RARB: variants seen among roughly 807,000 people sequenced by gnomAD.
The protein encoded by RARB is retinoic acid receptor beta.
A neutral mutation model predicts 51.9 loss-of-function variants in RARB; 17 were observed. The ratio of observed to expected loss-of-function variants is 0.33; its 90% CI spans 0.22 to 0.49. The LOEUF (loss-of-function observed/expected upper bound fraction) is 0.49. Ranked by LOEUF, RARB falls within the 20% of genes least tolerant of loss-of-function variation. The pLI is 0.99. For missense variants in RARB, 369 were observed against 550.8 expected, an observed-to-expected ratio of 0.67 and a Z score of 3.30; for synonymous variants, 215 against 195.4, an observed-to-expected ratio of 1.10 and a Z score of -0.84.
chr3:25,490,372 G>A (rs1431315696), intron 2 of RARB, among the ~76,000 whole-genome samples: 2 of 152,184 alleles, frequency 1.3e-5, no homozygotes, highest in Non-Finnish European at 2.9e-5. Context: ...AGAGGCCTTT[G>A]AATTATGCAA....
chr3:25,356,122 G>GT (rs1169198298), intron 5 of RARB, among the ~76,000 whole-genome samples: 2 of 152,086 alleles, frequency 1.3e-5, no homozygotes, highest in Non-Finnish European at 1.5e-5. Context: ...TTTAAGGAGA[G>GT]TAAGTGCTGT....
chr3:24,897,277 A>G (rs913469529), intron 2 of RARB, among the ~76,000 whole-genome samples: 1 of 152,204 alleles, frequency 6.6e-6, no homozygotes, highest in Non-Finnish European at 1.5e-5. Context: ...ACCTAATAGT[A>G]AAATAAATAT....
At position 25,233,386 on chromosome 3, in the gene RARB, G is replaced by A. The variant is rs113210357; in HGVS notation, c.178+58811G>A. On this transcript the variant is annotated intron_variant, in intron 5 of 11. Coordinates refer to the RARB transcript ENST00000383772. ...ATTTTTTTTTATGTGTTGACCTTAC[G>A]TCCTGCAACCTTGCTAACATCACTT... Among the ~76,000 whole-genome samples, 924 of 152,080 alleles carry A rather than the reference G, an allele frequency of 6.1e-3. 16 individuals are homozygous for A. The highest frequency in any genetic ancestry group is 0.02 in the African/African-American group (817 of 41,500).
At position 25,229,574 on chromosome 3, in the gene RARB, G is replaced by C. The variant is rs942769226; in HGVS notation, c.178+54999G>C. ...TTGTATACTAGTTAAAAAATGTGTG[G>C]ACCTTTTGCTATTTCTCTATCAAAG... On this transcript the variant is annotated intron_variant, in intron 5 of 11. Coordinates refer to the RARB transcript ENST00000383772. Among the ~76,000 whole-genome samples, 5 of 151,936 alleles carry C rather than the reference G, an allele frequency of 3.3e-5. No homozygotes were observed. The South Asian group carries it at 1.0e-3, about 32-fold the overall frequency.
intron 5 of RARB, among the ~76,000 whole-genome samples, chr3:25,407,299 A>T (rs891632826): frequency 3.9e-5 from 6 of 152,234 alleles, no homozygotes; most frequent in Non-Finnish European, 8.8e-5. Context: ...AGTCTTTAGA[A>T]AAAGACCGCA....
At chr3:25,106,444 GT>G (rs1478060108) in intron 3 of RARB, among the ~76,000 whole-genome samples, 1 of 66,956 alleles carries the variant, frequency 1.5e-5, no homozygotes, top group East Asian at 1.0e-3. Context: ...CCCAGCTACT[GT>G]TTTTTGTTTT....
intron 5 of RARB, among the ~76,000 whole-genome samples, chr3:25,178,352 C>G (rs1009080665): frequency 2.6e-5 from 4 of 152,076 alleles, no homozygotes; most frequent in Admixed American, 1.3e-4. Flanking sequence ...GCATTGAGCA[C>G]ATTTTGGATT....
At chr3:25,037,469 G>C (rs573208133) in intron 2 of RARB, among the ~76,000 whole-genome samples, 20 of 152,116 alleles carry the variant, frequency 1.3e-4, no homozygotes, top group Non-Finnish European at 2.5e-4. Flanking sequence ...TAAAACCTCA[G>C]ACACCAGGAA....
chr3:25,463,276 A>G (rs1695275125), intron 2 of RARB, among the ~76,000 whole-genome samples: 1 of 152,146 alleles, frequency 6.6e-6, no homozygotes, highest in South Asian at 2.1e-4. Flanking sequence ...ACTGTACTGC[A>G]TGTCTGATTG....
intron 2 of RARB, among the ~76,000 whole-genome samples, chr3:25,051,437 A>C (rs1017559000): frequency 6.6e-6 from 1 of 152,178 alleles, no homozygotes; most frequent in African/African-American, 2.4e-5. Context: ...TAAAAACCAA[A>C]GTAGAATCCA....
rs1471772536 is a variant in RARB, at chr3:25,313,749, C to G, written c.178+139174C>G. Among the ~76,000 whole-genome samples, 4 of 151,992 alleles carry G rather than the reference C, an allele frequency of 2.6e-5. No homozygotes were observed. The South Asian group carries it at 6.2e-4, about 24-fold the overall frequency. On this transcript the variant is annotated intron_variant, in intron 5 of 11. Transcript: ENST00000383772. Reference sequence around the variant, plus strand: ...AAAATTATACATACAAAATTATGTACAAAAGGAAGTATTTATTTTCTACGA... The same window carrying G: ...AAAATTATACATACAAAATTATGTAGAAAAGGAAGTATTTATTTTCTACGA...
intron 5 of RARB, among the ~76,000 whole-genome samples, chr3:25,301,068 A>C (rs1190704576): frequency 6.6e-6 from 1 of 152,230 alleles, no homozygotes; most frequent in Admixed American, 6.5e-5. Flanking sequence ...GTTGGGATGT[A>C]ACCTCATTGT....
intron 5 of RARB, among the ~76,000 whole-genome samples, chr3:25,239,402 C>T (rs1160657881): frequency 6.6e-6 from 1 of 152,116 alleles, no homozygotes; most frequent in Non-Finnish European, 1.5e-5. Context: ...AGTGTTTCCC[C>T]TATGTATTCT....
At chr3:25,170,370 CG>C (rs1340612177) in intron 4 of RARB, among the ~76,000 whole-genome samples, 5 of 152,088 alleles carry the variant, frequency 3.3e-5, no homozygotes, top group African/African-American at 1.2e-4. Context: ...TTAGCTGCAT[CG>C]GAGTCCTCTG....
At chr3:25,032,322 C>T (rs1697892987) in intron 2 of RARB, among the ~76,000 whole-genome samples, 1 of 152,152 alleles carries the variant, frequency 6.6e-6, no homozygotes, top group South Asian at 2.1e-4. Context: ...AATGGTAAAA[C>T]AAAGGCAGTA....
chr3:25,040,170 G>T (rs1698084098), intron 2 of RARB, among the ~76,000 whole-genome samples: 1 of 152,200 alleles, frequency 6.6e-6, no homozygotes, highest in South Asian at 2.1e-4. Flanking sequence ...ACGAAATGAA[G>T]TGCAAAGTGA....
chr3:24,962,157 C>T (rs1380676276), intron 2 of RARB, among the ~76,000 whole-genome samples: 3 of 151,820 alleles, frequency 2.0e-5, no homozygotes, highest in African/African-American at 7.3e-5. Context: ...TCTCGATCTC[C>T]TGACCTCGTG....
chr3:25,014,026 T>A (rs1351212878), intron 2 of RARB, among the ~76,000 whole-genome samples: 4 of 152,048 alleles, frequency 2.6e-5, no homozygotes, highest in Non-Finnish European at 5.9e-5. Flanking sequence ...TCCTCCAACT[T>A]CAGTTCTCTA....
At chr3:25,493,710 T>C (rs1696863630) in intron 2 of RARB, among the ~76,000 whole-genome samples, 1 of 152,216 alleles carries the variant, frequency 6.6e-6, no homozygotes, top group South Asian at 2.1e-4. Context: ...CCAGTTCACA[T>C]AGATGTACTT....
Sources: allele counts gnomAD v4.1 joint callset (sites outside exome capture counted in the v4.1 genomes callset), GRCh38; gene constraint gnomAD v4.1.1; transcripts MANE v1.5; gene names NCBI Gene and HGNC (gene_info 2026-07-23, HGNC 2026-07-21).